ZNF362: variants seen among roughly 807,000 people sequenced by gnomAD.
ZNF362 encodes the protein rotund homolog.
In ZNF362, 11 loss-of-function variants were observed where a neutral mutation model predicts 42.9. The observed-to-expected ratio is 0.26, with a 90% CI of 0.16 to 0.42. The LOEUF (loss-of-function observed/expected upper bound fraction) is 0.42, where lower values mean the gene tolerates loss of function less well. Ranked by LOEUF, ZNF362 falls within the 20% of genes least tolerant of loss-of-function variation. The pLI, the probability that ZNF362 is intolerant of heterozygous loss-of-function variation, is 1.00. For missense variants in ZNF362, 362 were observed against 576.2 expected, an observed-to-expected ratio of 0.63 and a Z score of 3.81; for synonymous variants, 255 against 257.3, an observed-to-expected ratio of 0.99 and a Z score of 0.09.
the ZNF362 span, among the ~76,000 whole-genome samples, chr1:33,153,435 C>T: frequency 6.6e-6 from 1 of 152,210 alleles, no homozygotes; most frequent in Non-Finnish European, 1.5e-5. Context: ...GGACATCTGG[C>T]AAAGTCCAGA....
the ZNF362 span, among the ~76,000 whole-genome samples, chr1:33,196,392 ACAAG>A: frequency 1.3e-5 from 2 of 151,896 alleles, no homozygotes; most frequent in Admixed American, 6.5e-5. Flanking sequence ...AAACAAACAA[ACAAG>A]CAAACAAACA....
chr1:33,134,871 C>A, the ZNF362 span, among the ~76,000 whole-genome samples: 1 of 152,216 alleles, frequency 6.6e-6, no homozygotes, highest in Admixed American at 6.5e-5. Flanking sequence ...TCTTCTACTT[C>A]CTCTTCCATC....
the ZNF362 span, chr1:33,165,386 C>T: frequency 7.8e-7 from 1 of 1,281,908 alleles, no homozygotes; most frequent in Non-Finnish European, 1.1e-6. This position sits in a 1 kb window ranked among gnomAD's most constrained non-coding sequence, Gnocchi z 4.0. Flanking sequence ...CCCGAGGCCC[C>T]GCCCCTCTTC....
chr1:33,259,942 T>G (rs1324040341), intron 1 of ZNF362, among the ~76,000 whole-genome samples: 3 of 152,230 alleles, frequency 2.0e-5, no homozygotes, highest in Admixed American at 6.5e-5. Flanking sequence ...AGCCTCAGTT[T>G]CCTCAACTCT....
At chr1:33,187,984 C>G in the ZNF362 span, among the ~76,000 whole-genome samples, 7 of 152,110 alleles carry the variant, frequency 4.6e-5, no homozygotes, top group Non-Finnish European at 1.0e-4. Context: ...GCCTGTAATC[C>G]CAGCACTTTG....
chr1:33,299,115 T>C lies in ZNF362; in HGVS notation c.*69T>C. On this transcript the variant is annotated 3_prime_UTR_variant, in exon 9 of 9. Transcript: ENST00000539719. ...GACCCAGGCAGCACCAGGCCCCAGC[T>C]CCCTCCGGGGGCCCTCCAGGAACCA... 8.1e-7 allele frequency: 1 copy of C among 1,239,696 alleles called. No homozygotes were observed. The highest frequency in any genetic ancestry group is 1.2e-6 in the Non-Finnish European group (1 of 857,484). 76.8% of individuals were successfully genotyped at this position (1,239,696 alleles called of 1,614,324 possible). A position where few individuals can be genotyped will look rare whatever the true frequency, so the allele number is the denominator to read the frequency against.
At chr1:33,215,987 A>C in the ZNF362 span, among the ~76,000 whole-genome samples, 1 of 151,946 alleles carries the variant, frequency 6.6e-6, no homozygotes, top group Non-Finnish European at 1.5e-5. Context: ...ATTTTATCTT[A>C]TTATATGTCA....
At chr1:33,238,381 T>TAATAAAATAAAATAAAATAAATA in the ZNF362 span, among the ~76,000 whole-genome samples, 5,498 of 103,160 alleles carry the variant, frequency 0.053, 404 homozygotes, top group East Asian at 0.073. Flanking sequence ...TAAAATAAAA[T>TAATAAAATAAAATAAAATAAATA]AAATAAAATA....
chr1:33,147,633 T>C, the ZNF362 span: 1 of 1,613,552 alleles, frequency 6.2e-7, no homozygotes, highest in Non-Finnish European at 8.5e-7. The surrounding 1 kb of genome is among the most constrained non-coding windows in gnomAD (Gnocchi z 8.1). Context: ...GCAGTGGCTG[T>C]GGGTGCAAGT....
chr1:33,195,976 A>G, the ZNF362 span: 1 of 152,160 alleles, frequency 6.6e-6, no homozygotes, highest in Non-Finnish European at 1.5e-5. Flanking sequence ...AAACATGTAC[A>G]CGTTGTACAG....
chr1:33,164,085 A>G, the ZNF362 span: 1 of 152,292 alleles, frequency 6.6e-6, no homozygotes, highest in Non-Finnish European at 1.5e-5. Flanking sequence ...GAGGTACAGA[A>G]TCACCAGACA....
At chr1:33,245,111 C>T in the ZNF362 span, among the ~76,000 whole-genome samples, 4 of 152,090 alleles carry the variant, frequency 2.6e-5, no homozygotes, top group South Asian at 2.1e-4. Flanking sequence ...GCTTCTCCTT[C>T]GCAGGGGCCT....
chr1:33,174,939 A>ATGTG, the ZNF362 span, among the ~76,000 whole-genome samples: 1,408 of 32,570 alleles, frequency 0.043, 17 homozygotes, highest in African/African-American at 0.084. Context: ...ACATACATAT[A>ATGTG]TGTGTGTATA....
intron 1 of ZNF362, 27 bp from the exon 2 acceptor site, chr1:33,270,460 A>G (rs1570389046): frequency 1.5e-6 from 1 of 646,446 alleles, no homozygotes; most frequent in East Asian, 2.6e-5. Context: ...TATTGTTATT[A>G]TTGTTATTGT....
chr1:33,280,182 G>C lies in ZNF362; in HGVS notation c.408G>C (p.Ala136=), dbSNP rs763991180. Residue 136 remains alanine (A), a synonymous_variant, in exon 5 of 9, where the codon GCG becomes GCC. Transcript: ENST00000539719. This position sits in a 1 kb window ranked among gnomAD's most constrained non-coding sequence, Gnocchi z 5.6. The part of the protein sequence containing the change: ...SVSTSESSAG[A]GTGTGTSTPS... ...GCACTTCTGAGTCAAGCGCGGGCGC[G>C]GGCACGGGCACGGGTACCAGCACCC... is the stretch of plus-strand genomic sequence containing the variant. 1.9e-6 allele frequency: 3 copies of C among 1,612,222 alleles called. No homozygotes were observed. Among genetic ancestry groups the C allele is most frequent in the Admixed American group, 1.7e-5 (1 of 59,916 alleles).
chr1:33,224,062 A>G, the ZNF362 span, among the ~76,000 whole-genome samples: 1 of 152,174 alleles, frequency 6.6e-6, no homozygotes, highest in African/African-American at 2.4e-5. Context: ...CATTTTTCAT[A>G]CACAATGTTA....
chr1:33,135,990 A>G, the ZNF362 span, among the ~76,000 whole-genome samples: 61 of 149,286 alleles, frequency 4.1e-4, no homozygotes, highest in Admixed American at 3.8e-3. Flanking sequence ...CCCAAAGCCA[A>G]TACTTGTCTG....
the ZNF362 span, among the ~76,000 whole-genome samples, chr1:33,160,555 C>A: frequency 2.0e-5 from 3 of 152,000 alleles, no homozygotes; most frequent in Non-Finnish European, 2.9e-5. Flanking sequence ...CAGGAGCCCG[C>A]CACTATGCCC....
chr1:33,250,789 G>A, the ZNF362 span, among the ~76,000 whole-genome samples: 1 of 150,660 alleles, frequency 6.6e-6, no homozygotes, highest in African/African-American at 2.4e-5. Flanking sequence ...GAAAGAAGGA[G>A]AAGGAGGAGG....
Sources: gnomAD v4.1 joint callset for allele counts (sites outside exome capture counted in the v4.1 genomes callset) on GRCh38, gnomAD v4.1.1 for gene constraint, Gnocchi (gnomAD v3.1) non-coding constraint, MANE v1.5 for transcripts, NCBI Gene and HGNC (gene_info 2026-07-23, HGNC 2026-07-21) for gene names.